Variants in SLX4IP observed in about 807,000 individuals in gnomAD.
SLX4IP encodes the protein protein SLX4IP.
A neutral mutation model predicts 32.9 loss-of-function variants in SLX4IP; 34 were observed. The observed-to-expected ratio is 1.03, with a 90% CI of 0.79 to 1.38. SLX4IP has a LOEUF of 1.38. SLX4IP is among the 40% of genes most tolerant of loss of function. The pLI is 0.00. For synonymous variants in SLX4IP, 172 were observed against 171.7 expected (o/e 1.00, Z -0.01); for missense variants, 444 against 479.0 (o/e 0.93, Z 0.68).
At chr20:10,621,246 G>A (rs1311586782) in intron 6 of SLX4IP, 68 bp from the exon 7 acceptor site, 2 of 1,362,440 alleles carry the variant, frequency 1.5e-6, no homozygotes, top group East Asian at 2.3e-5. Context: ...GGCATTCAGA[G>A]TGTAACTGTT....
chr20:10,591,274 T>G (rs1326440522), intron 4 of SLX4IP, among the ~76,000 whole-genome samples: 1 of 152,240 alleles, frequency 6.6e-6, no homozygotes, highest in Non-Finnish European at 1.5e-5. Flanking sequence ...TTTAATGTGG[T>G]CCTGGCTGAC....
intron 6 of SLX4IP, among the ~76,000 whole-genome samples, chr20:10,604,757 G>A (rs76195171): frequency 0.023 from 3,540 of 152,350 alleles, 104 homozygotes; most frequent in African/African-American, 0.069. Flanking sequence ...GTGCCCATGT[G>A]CTAGGGATGT....
At position 10,602,476 on chromosome 20, in the gene SLX4IP, T is replaced by C. The variant is rs556356357; in HGVS notation, c.405+657T>C. 2.0e-3 allele frequency among the ~76,000 whole-genome samples: 307 copies of C among 152,344 alleles called. 2 individuals are homozygous for C. Among genetic ancestry groups the C allele is most frequent in the Non-Finnish European group, 3.4e-3 (230 of 68,028 alleles). On this transcript the variant is annotated intron_variant, in intron 6 of 7. Coordinates refer to ENST00000334534, the MANE Select transcript of SLX4IP (RefSeq NM_001009608.3). ...ACTGCTTTGTCTTTTAAGCTGAACA[T>C]GTACACTTGAGAATCTCCTTGTTGC...
chr20:10,493,739 C>T (rs920870912), intron 2 of SLX4IP, among the ~76,000 whole-genome samples: 6 of 152,050 alleles, frequency 3.9e-5, no homozygotes, highest in African/African-American at 7.2e-5. Flanking sequence ...GCAATGTCTG[C>T]GTCAGGCTTT....
chr20:10,557,660 C>T lies in SLX4IP; in HGVS notation c.117+1340C>T, dbSNP rs542103072. 1.8e-4 allele frequency among the ~76,000 whole-genome samples: 28 copies of T among 152,358 alleles called. No individual in the cohort carries two copies. The South Asian group carries it at 3.7e-3, about 20-fold the overall frequency. On this transcript the variant is annotated intron_variant, in intron 3 of 7. Transcript: ENST00000334534. Reference sequence around the variant, plus strand: ...AACAATGTTATGGAATCCACCATTCCAGGCCTGTTCTCCATTCCCTTTCGG... The same window carrying T: ...AACAATGTTATGGAATCCACCATTCTAGGCCTGTTCTCCATTCCCTTTCGG...
chr20:10,598,596 T>C, intron 4 of SLX4IP, 79 bp from the exon 5 acceptor site: 1 of 1,280,518 alleles, frequency 7.8e-7, no homozygotes, highest in Non-Finnish European at 1.1e-6. Context: ...ATGTGTCTTT[T>C]ATGGCAGGCA....
intron 1 of SLX4IP, among the ~76,000 whole-genome samples, chr20:10,438,367 A>T (rs1341862773): frequency 2.0e-5 from 3 of 152,058 alleles, no homozygotes; most frequent in Non-Finnish European, 2.9e-5. Context: ...ATCACCCCTA[A>T]AAGTTTCCTC....
chr20:10,477,028 A>C (rs1463207047), intron 2 of SLX4IP, among the ~76,000 whole-genome samples: 2 of 152,220 alleles, frequency 1.3e-5, no homozygotes, highest in African/African-American at 4.8e-5. Context: ...ATTCTAAGAA[A>C]TATTATTCGA....
intron 2 of SLX4IP, among the ~76,000 whole-genome samples, chr20:10,496,947 AAAC>A (rs2065673290): frequency 6.6e-6 from 1 of 152,224 alleles, no homozygotes; most frequent in Non-Finnish European, 1.5e-5. Flanking sequence ...CATTTTGTTT[AAAC>A]ATTGAACAAC....
chr20:10,499,325 A>AT (rs1256951797), intron 2 of SLX4IP, among the ~76,000 whole-genome samples: 1 of 152,216 alleles, frequency 6.6e-6, no homozygotes, highest in Non-Finnish European at 1.5e-5. Context: ...TGCACACAAC[A>AT]TGCACGCACA....
intron 5 of SLX4IP, among the ~76,000 whole-genome samples, chr20:10,600,070 A>C (rs2066823794): frequency 6.6e-6 from 1 of 152,094 alleles, no homozygotes. Flanking sequence ...GAGGTGGAAA[A>C]ATAATGAATT....
chr20:10,494,847 T>C (rs1600928881), intron 2 of SLX4IP, among the ~76,000 whole-genome samples: 1 of 152,240 alleles, frequency 6.6e-6, no homozygotes, highest in East Asian at 1.9e-4. Context: ...TAATAGAGTT[T>C]GTGGAGTGAT....
chr20:10,488,709 T>G (rs1160808792), intron 2 of SLX4IP, among the ~76,000 whole-genome samples: 2 of 152,220 alleles, frequency 1.3e-5, no homozygotes, highest in African/African-American at 4.8e-5. Flanking sequence ...GTGCATTTCA[T>G]TTCCAGAGAA....
chr20:10,550,993 A>G (rs2066212997), intron 2 of SLX4IP, among the ~76,000 whole-genome samples: 2 of 152,196 alleles, frequency 1.3e-5, no homozygotes, highest in South Asian at 4.1e-4. Context: ...GTTTCAGATG[A>G]TCAATGAGTG....
At chr20:10,584,953 C>A (rs530992270) in intron 4 of SLX4IP, among the ~76,000 whole-genome samples, 1 of 151,840 alleles carries the variant, frequency 6.6e-6, no homozygotes, top group Admixed American at 6.5e-5. Flanking sequence ...CTGTTACAGA[C>A]AAATGCTGAA....
At chr20:10,590,213 A>G (rs2066691249) in intron 4 of SLX4IP, among the ~76,000 whole-genome samples, 1 of 152,274 alleles carries the variant, frequency 6.6e-6, no homozygotes, top group South Asian at 2.1e-4. Flanking sequence ...ATTAATTATG[A>G]AAACTTTGTA....
intron 1 of SLX4IP, among the ~76,000 whole-genome samples, chr20:10,448,387 A>G (rs1343273984): frequency 6.6e-6 from 1 of 152,190 alleles, no homozygotes. Flanking sequence ...AGGTGGGAAG[A>G]ATTAAATGCT....
chr20:10,571,671 T>C (rs190951451), intron 4 of SLX4IP, among the ~76,000 whole-genome samples: 162 of 152,306 alleles, frequency 1.1e-3, no homozygotes, highest in African/African-American at 3.8e-3. Flanking sequence ...TTCAGTTTCA[T>C]TGAGGACAGG....
chr20:10,567,882 A>T (rs1431157590), intron 4 of SLX4IP, among the ~76,000 whole-genome samples: 1 of 152,146 alleles, frequency 6.6e-6, no homozygotes, highest in Non-Finnish European at 1.5e-5. Context: ...ACATTCATTC[A>T]CTTCTGGCTA....
Sources: allele counts gnomAD v4.1 joint callset (sites outside exome capture counted in the v4.1 genomes callset), GRCh38; gene constraint gnomAD v4.1.1; transcripts MANE v1.5; gene names NCBI Gene and HGNC (gene_info 2026-07-23, HGNC 2026-07-21).